Variants in GRIA2 observed in about 807,000 individuals in gnomAD.
GRIA2 encodes the protein glutamate ionotropic receptor AMPA type subunit 2.
A neutral mutation model predicts 97.3 loss-of-function variants in GRIA2; 14 were observed. That is an observed-to-expected ratio of 0.14 (90% CI 0.10 to 0.23). The LOEUF is 0.23. Among genes scored for constraint, GRIA2 ranks in the 10% least tolerant of loss-of-function variants. GRIA2 has a pLI of 1.00. For synonymous variants in GRIA2, 412 were observed against 387.8 expected, an observed-to-expected ratio of 1.06 and a Z score of -0.73; for missense variants, 558 against 1,069.8, an observed-to-expected ratio of 0.52 and a Z score of 6.67.
rs2126938404 is a variant in GRIA2 at position 157,335,720 on chromosome 4, A to T, written c.1316A>T (p.Asn439Ile). The change falls in exon 10 of 16, where the codon AAT becomes ATT. Residue 439 changes from asparagine to isoleucine, a missense_variant. By Grantham distance (149) the Asn-to-Ile change is moderately radical. Around this residue, in one of 8 missense-constraint regions of GRIA2, gnomAD observed 41 missense variants for 102.2 expected, o/e 0.40. Transcript: ENST00000264426. ...AAAAATCATGAAATGCTTGAAGGCA[A>T]TGAGCGCTATGAGGGCTACTGTGTT... ...MKKNHEMLEG[N>I]ERYEGYCVDL... The T allele has an allele frequency of 6.2e-7, 1 of 1,612,466 alleles. No homozygotes were observed. Among genetic ancestry groups the T allele is most frequent in the Non-Finnish European group, 8.5e-7 (1 of 1,178,764 alleles).
At chr4:157,224,375 G>A (rs1358256160) in intron 2 of GRIA2, among the ~76,000 whole-genome samples, 5 of 152,184 alleles carry the variant, frequency 3.3e-5, no homozygotes, top group African/African-American at 1.2e-4. Flanking sequence ...GGGGGGTACT[G>A]TGACAGAAGA....
intron 12 of GRIA2, among the ~76,000 whole-genome samples, chr4:157,345,357 A>T (rs1735722375): frequency 6.6e-6 from 1 of 151,954 alleles, no homozygotes; most frequent in Admixed American, 6.6e-5. Flanking sequence ...TGTTTATGGA[A>T]CCCATGCACA....
chr4:157,256,239 T>TTATTATATGTTAC (rs1561013268), intron 2 of GRIA2, among the ~76,000 whole-genome samples: 2 of 71,994 alleles, frequency 2.8e-5, no homozygotes, highest in East Asian at 5.5e-4. Flanking sequence ...ATATAATATA[T>TTATTATATGTTAC]ATATATAATA....
intron 2 of GRIA2, among the ~76,000 whole-genome samples, chr4:157,238,925 ATATT>A (rs1279259732): frequency 1.3e-5 from 2 of 152,106 alleles, no homozygotes; most frequent in African/African-American, 4.8e-5. Flanking sequence ...ATAGTTTTTC[ATATT>A]TATTATTGCA....
At chr4:157,254,487 T>C (rs1224106318) in intron 2 of GRIA2, among the ~76,000 whole-genome samples, 1 of 152,030 alleles carries the variant, frequency 6.6e-6, no homozygotes, top group Non-Finnish European at 1.5e-5. Flanking sequence ...CCATAGTCTA[T>C]AGTCCGGAAA....
In GRIA2 at chr4:157,342,439, T is replaced by C. The variant is rs371242241; in HGVS notation, c.2043+977T>C. 9.1e-6 allele frequency: 9 copies of C among 984,318 alleles called. No individual in the cohort carries two copies. In the East Asian group the frequency reaches 4.6e-4, roughly 50 times the overall value. The allele number at this position is 984,318 out of a possible 1,614,324, so 61.0% of individuals were successfully genotyped here. ...CTAATAACAGATAGTAACTTGGGTG[T>C]ATGTGAAGAGTCCAGGACCTTGATG... On this transcript the variant is annotated intron_variant, in intron 12 of 15. Transcript: ENST00000264426.
At chr4:157,265,394 A>G (rs1452324935) in intron 2 of GRIA2, among the ~76,000 whole-genome samples, 1 of 152,136 alleles carries the variant, frequency 6.6e-6, no homozygotes, top group South Asian at 2.1e-4. Context: ...CAGTTTTGCC[A>G]TGTGTAAATT....
chr4:157,261,755 G>T (rs991322502), intron 2 of GRIA2, among the ~76,000 whole-genome samples: 2 of 152,044 alleles, frequency 1.3e-5, no homozygotes, highest in East Asian at 3.9e-4. Flanking sequence ...TATTTACATT[G>T]TTCTGGTGTT....
intron 2 of GRIA2, among the ~76,000 whole-genome samples, chr4:157,272,014 G>A (rs988125480): frequency 2.6e-5 from 4 of 152,008 alleles, no homozygotes; most frequent in Non-Finnish European, 5.9e-5. Context: ...AAGTAAACAC[G>A]CATAGATTAA....
chr4:157,356,543 G>A (rs1054694084), intron 12 of GRIA2, among the ~76,000 whole-genome samples: 4 of 151,870 alleles, frequency 2.6e-5, no homozygotes, highest in East Asian at 1.9e-4. Context: ...ATTGCCTGGC[G>A]TTCATCTCCA....
At chr4:157,226,477 AGAG>A (rs1230250208) in intron 2 of GRIA2, among the ~76,000 whole-genome samples, 2 of 152,096 alleles carry the variant, frequency 1.3e-5, no homozygotes, top group East Asian at 1.9e-4. Flanking sequence ...AAATGCTCTT[AGAG>A]GAGAGAGAAT....
chr4:157,350,452 A>G (rs1236514306), intron 12 of GRIA2, among the ~76,000 whole-genome samples: 1 of 152,014 alleles, frequency 6.6e-6, no homozygotes, highest in Non-Finnish European at 1.5e-5. Flanking sequence ...GTTTGGTTAC[A>G]TGAATCAGTT....
chr4:157,328,639 C>T (rs941161234), intron 6 of GRIA2, among the ~76,000 whole-genome samples: 2 of 151,932 alleles, frequency 1.3e-5, no homozygotes, highest in African/African-American at 2.4e-5. Flanking sequence ...GCCTTGATTT[C>T]AGCATCTTTT....
intron 12 of GRIA2, among the ~76,000 whole-genome samples, chr4:157,355,923 T>TTATATATAAATA: frequency 1.5e-5 from 1 of 67,092 alleles, no homozygotes; most frequent in Non-Finnish European, 2.5e-5. Context: ...ATTAATATAT[T>TTATATATAAATA]TATATATATT....
At chr4:157,355,498 A>G (rs1308639427) in intron 12 of GRIA2, among the ~76,000 whole-genome samples, 1 of 146,928 alleles carries the variant, frequency 6.8e-6, no homozygotes, top group African/African-American at 2.5e-5. Flanking sequence ...ATTGCACTCC[A>G]GCCTGGGGGA....
At chr4:157,288,995 T>C (rs1403503259) in intron 2 of GRIA2, among the ~76,000 whole-genome samples, 1 of 151,878 alleles carries the variant, frequency 6.6e-6, no homozygotes. Flanking sequence ...CTTTTAACAA[T>C]GTATTTGTTT....
intron 12 of GRIA2, chr4:157,342,117 A>C (rs550216892): frequency 2.1e-4 from 209 of 975,484 alleles, no homozygotes; most frequent in Admixed American, 1.8e-3. Context: ...TATTGTGTGT[A>C]TAAAACAACT....
chr4:157,356,356 T>A (rs1239709863), intron 12 of GRIA2, among the ~76,000 whole-genome samples: 4 of 151,404 alleles, frequency 2.6e-5, no homozygotes, highest in African/African-American at 9.7e-5. Context: ...TCAACCCCTG[T>A]GTTTTCCTTT....
At position 157,335,799 on chromosome 4, in the gene GRIA2, T is replaced by C. The variant is rs200346262; in HGVS notation, c.1395T>C (p.Ile465=). The change falls in exon 10 of 16, where the codon ATT becomes ATC. Residue 465 remains isoleucine (I), a synonymous_variant. Coordinates refer to ENST00000264426, the MANE Select transcript of GRIA2 (RefSeq NM_001083619.3). ...GTGGGTTCAAGTACAAGTTGACAAT[T>C]GTTGGTGATGGCAAGTATGGGGCCA... The part of the protein sequence containing the change: ...KHCGFKYKLT[I]VGDGKYGARD... 6.2e-7 allele frequency: 1 copy of C among 1,612,948 alleles called. No individual in the cohort carries two copies. The highest frequency in any genetic ancestry group is 2.2e-5 in the East Asian group (1 of 44,810).
Sources: gnomAD v4.1 joint callset for allele counts (sites outside exome capture counted in the v4.1 genomes callset) on GRCh38, gnomAD v4.1.1 for gene constraint, gnomAD v4.1.1 regional missense constraint, MANE v1.5 for transcripts, NCBI Gene and HGNC (gene_info 2026-07-23, HGNC 2026-07-21) for gene names.